The following ARHGAP6 variants were observed in gnomAD, a reference collection of about 807,000 sequenced individuals.
ARHGAP6 encodes rho GTPase-activating protein 6.
A neutral mutation model predicts 55.7 loss-of-function variants in ARHGAP6; 16 were observed. That is an observed-to-expected ratio of 0.29 (90% CI 0.19 to 0.44). The LOEUF is 0.44. Ranked by LOEUF, ARHGAP6 falls within the 20% of genes least tolerant of loss-of-function variation. ARHGAP6 has a pLI of 1.00. For missense variants in ARHGAP6, 698 were observed against 808.9 expected (o/e 0.86, Z 1.66); for synonymous variants, 382 against 360.9 (o/e 1.06, Z -0.66).
chrX:11,531,875 G>A (rs1447702780), intron 1 of ARHGAP6, among the ~76,000 whole-genome samples: 2 of 112,262 alleles, frequency 1.8e-5, no homozygotes, highest in African/African-American at 6.5e-5. Context: ...ACAACTCAAA[G>A]TGTGTTCCAC....
At chrX:11,427,798 G>T (rs1195644874) in intron 1 of ARHGAP6, 3 of 751,857 alleles carry the variant, frequency 4.0e-6, no homozygotes, top group Admixed American at 9.2e-5. Flanking sequence ...AGGCAGCGGC[G>T]CGAAGGGGGA....
At chrX:11,316,243 G>T (rs888450459) in intron 1 of ARHGAP6, among the ~76,000 whole-genome samples, 1 of 111,960 alleles carries the variant, frequency 8.9e-6, no homozygotes, top group Admixed American at 9.5e-5. Context: ...CATCTCTCCT[G>T]GTTGAAGGTA....
At chrX:11,358,435 TTC>T (rs1194242322) in intron 1 of ARHGAP6, among the ~76,000 whole-genome samples, 1 of 25,689 alleles carries the variant, frequency 3.9e-5, no homozygotes, top group Non-Finnish European at 6.4e-5. Flanking sequence ...AACTGTATCT[TTC>T]TTTCTTTCTT....
intron 2 of ARHGAP6, among the ~76,000 whole-genome samples, chrX:11,198,867 T>C (rs1456049586): frequency 8.9e-6 from 1 of 112,512 alleles, no homozygotes; most frequent in Non-Finnish European, 1.9e-5. Flanking sequence ...TGCTAGTACC[T>C]GAGAAACTAC....
At position 11,228,070 on chromosome X, in the gene ARHGAP6, G is replaced by A. The variant is rs148614606; in HGVS notation, c.748+26478C>T. On this transcript the variant is annotated intron_variant, in intron 2 of 12. Coordinates refer to ENST00000337414, the MANE Select transcript of ARHGAP6 (RefSeq NM_013427.3). The stretch of plus-strand genomic sequence containing the variant: ...TGAGGGACTAGTATATGTTTCATAC[G>A]TAGTTATGTTTTCCCCAACTTGATT... Among the ~76,000 whole-genome samples the A allele has an allele frequency of 3.7e-3, 414 of 111,569 alleles. 2 individuals carry two copies. The highest frequency in any genetic ancestry group is 0.012 in the African/African-American group (365 of 30,754).
chrX:11,615,181 T>C (rs533275601), intron 1 of ARHGAP6, among the ~76,000 whole-genome samples: 1 of 111,892 alleles, frequency 8.9e-6, no homozygotes, highest in Middle Eastern at 4.6e-3. Flanking sequence ...AACCAGTCCA[T>C]GCACTTTTTC....
intron 1 of ARHGAP6, among the ~76,000 whole-genome samples, chrX:11,465,281 T>C (rs2050282239): frequency 8.9e-6 from 1 of 112,067 alleles, no homozygotes; most frequent in South Asian, 3.7e-4. Flanking sequence ...CCACAGGAGA[T>C]AAGGAAACTT....
chrX:11,614,774 C>T (rs766742297), intron 1 of ARHGAP6, among the ~76,000 whole-genome samples: 6 of 111,823 alleles, frequency 5.4e-5, no homozygotes, highest in East Asian at 2.8e-4. Flanking sequence ...GGGTAAAAAT[C>T]GATTACTGGG....
At chrX:11,603,220 C>G (rs947690775) in intron 1 of ARHGAP6, among the ~76,000 whole-genome samples, 1 of 111,712 alleles carries the variant, frequency 9.0e-6, no homozygotes, top group African/African-American at 3.3e-5. Context: ...TGTGAAATTC[C>G]TAAATCGGTT....
At chrX:11,617,100 T>A (rs764210156) in intron 1 of ARHGAP6, among the ~76,000 whole-genome samples, 1 of 112,287 alleles carries the variant, frequency 8.9e-6, no homozygotes, top group African/African-American at 3.2e-5. Context: ...TATGGAGATA[T>A]GCTGTAGGTG....
chrX:11,605,037 G>A (rs1053023880), intron 1 of ARHGAP6, among the ~76,000 whole-genome samples: 8 of 111,876 alleles, frequency 7.2e-5, no homozygotes, highest in African/African-American at 2.3e-4. Context: ...AGGCCTGGAT[G>A]AAGCCTCACA....
chrX:11,277,062 C>G (rs1295958316), intron 1 of ARHGAP6, among the ~76,000 whole-genome samples: 6 of 111,028 alleles, frequency 5.4e-5, no homozygotes, highest in Non-Finnish European at 1.1e-4. Flanking sequence ...CCCTGGGAAC[C>G]ACTAATCTAC....
intron 1 of ARHGAP6, among the ~76,000 whole-genome samples, chrX:11,277,019 C>A (rs1309365821): frequency 1.8e-5 from 2 of 111,119 alleles, no homozygotes; most frequent in East Asian, 5.6e-4. Context: ...AAAGCCCATA[C>A]CCAGTCACTC....
At chrX:11,546,833 C>G (rs1350474657) in intron 1 of ARHGAP6, among the ~76,000 whole-genome samples, 1 of 112,150 alleles carries the variant, frequency 8.9e-6, no homozygotes, top group South Asian at 3.7e-4. Flanking sequence ...TGTTCTACTT[C>G]TCTGATAAAT....
In ARHGAP6 at chrX:11,172,510, A is replaced by T. The variant is rs371085812; in HGVS notation, c.1630-2826T>A. 8.9e-3 allele frequency among the ~76,000 whole-genome samples: 753 copies of T among 84,787 alleles called. 5 individuals carry two copies. Among genetic ancestry groups the T allele is most frequent in the Non-Finnish European group, 0.016 (596 of 36,670 alleles). The allele number at this position is 84,787 out of a possible 115,157, so 73.6% of individuals were successfully genotyped here. A position where few individuals can be genotyped will look rare whatever the true frequency, so the allele number is the denominator to read the frequency against. On this transcript the variant is annotated intron_variant, in intron 8 of 12. Coordinates refer to ENST00000337414, the MANE Select transcript of ARHGAP6 (RefSeq NM_013427.3). Reference sequence around the variant, plus strand: ...TCATATTAGGGTTTTCTCATTTTTTAAAAAAAACATTAACAAATGGAAGAT... The same window carrying T: ...TCATATTAGGGTTTTCTCATTTTTTTAAAAAAACATTAACAAATGGAAGAT...
intron 8 of ARHGAP6, among the ~76,000 whole-genome samples, chrX:11,170,687 A>C (rs1274289185): frequency 9.0e-6 from 1 of 111,446 alleles, no homozygotes; most frequent in African/African-American, 3.3e-5. Flanking sequence ...CAGCTTCCAA[A>C]GTTACGGAGG....
At chrX:11,593,708 G>A (rs2051867642) in intron 1 of ARHGAP6, among the ~76,000 whole-genome samples, 1 of 111,618 alleles carries the variant, frequency 9.0e-6, no homozygotes, top group African/African-American at 3.3e-5. Flanking sequence ...TGGGAACTCT[G>A]CACTTTCATC....
chrX:11,564,705 G>A (rs1016143646), intron 1 of ARHGAP6, among the ~76,000 whole-genome samples: 3 of 111,743 alleles, frequency 2.7e-5, no homozygotes, highest in African/African-American at 9.7e-5. Context: ...TACAGCATTA[G>A]GTCAATTTCA....
chrX:11,543,367 C>T (rs1240837306), intron 1 of ARHGAP6, among the ~76,000 whole-genome samples: 1 of 112,658 alleles, frequency 8.9e-6, no homozygotes, highest in Admixed American at 9.3e-5. Flanking sequence ...GGCAATTTTG[C>T]CCAACAGGGG....
Sources: allele counts gnomAD v4.1 joint callset (sites outside exome capture counted in the v4.1 genomes callset), GRCh38; gene constraint gnomAD v4.1.1; transcripts MANE v1.5; gene names NCBI Gene and HGNC (gene_info 2026-07-23, HGNC 2026-07-21).